Variants in TMEM131 observed in about 807,000 individuals in gnomAD.
The protein encoded by TMEM131 is 2610524E03Rik.
In TMEM131, 66 loss-of-function variants were observed where a neutral mutation model predicts 211.6. The ratio of observed to expected loss-of-function variants is 0.31; its 90% confidence interval spans 0.26 to 0.38. TMEM131 has a LOEUF of 0.38. TMEM131 is among the 10% of genes least tolerant of loss of function. The pLI is 1.00. For missense variants in TMEM131, 2,036 were observed against 2,299.3 expected, an observed-to-expected ratio of 0.89 and a Z score of 2.34; for synonymous variants, 844 against 841.3, an observed-to-expected ratio of 1.00 and a Z score of -0.06.
At chr2:97,831,176 G>GT (rs1177292357) in intron 11 of TMEM131, among the ~76,000 whole-genome samples, 1 of 152,188 alleles carries the variant, frequency 6.6e-6, no homozygotes, top group African/African-American at 2.4e-5. Context: ...TTCCATGTCT[G>GT]TAAGTTCACT....
intron 2 of TMEM131, among the ~76,000 whole-genome samples, chr2:97,925,809 T>C (rs1440902172): frequency 2.6e-5 from 4 of 152,094 alleles, no homozygotes. Flanking sequence ...TTTTGAGGAT[T>C]AAAAAAATTA....
chr2:97,835,848 T>C (rs1233006244), intron 8 of TMEM131, among the ~76,000 whole-genome samples: 1 of 152,168 alleles, frequency 6.6e-6, no homozygotes, highest in African/African-American at 2.4e-5. Flanking sequence ...AGTCTAGGTT[T>C]GTAGGAATAA....
chr2:97,943,100 A>C lies in TMEM131; in HGVS notation c.188-15613T>G, dbSNP rs193115737. On this transcript the variant is annotated intron_variant, in intron 1 of 40. Coordinates refer to ENST00000186436, the MANE Select transcript of TMEM131 (RefSeq NM_015348.2). Reference sequence around the variant, plus strand: ...AAGAAAGAAAGAAAGAAAGAAAGAAAGAGCTGGGTGTGGTGGTGCATGCCT... The same window carrying C: ...AAGAAAGAAAGAAAGAAAGAAAGAACGAGCTGGGTGTGGTGGTGCATGCCT... 9.3e-4 allele frequency among the ~76,000 whole-genome samples: 139 copies of C among 149,678 alleles called. 2 individuals carry two copies. In the East Asian group the frequency reaches 0.018, roughly 19 times the overall value.
intron 4 of TMEM131, among the ~76,000 whole-genome samples, chr2:97,875,931 CTG>C (rs1674675680): frequency 6.6e-6 from 1 of 152,112 alleles, no homozygotes; most frequent in African/African-American, 2.4e-5. Context: ...AATCCAGGAG[CTG>C]TGTTTTTGAA....
At chr2:97,765,628 G>C (rs993977844) in intron 35 of TMEM131, among the ~76,000 whole-genome samples, 2 of 152,198 alleles carry the variant, frequency 1.3e-5, no homozygotes, top group Admixed American at 6.5e-5. Context: ...GGAGAAACAA[G>C]GTCAAGGTAG....
intron 7 of TMEM131, among the ~76,000 whole-genome samples, chr2:97,840,206 G>GC (rs1316923218): frequency 6.6e-6 from 1 of 152,214 alleles, no homozygotes; most frequent in Non-Finnish European, 1.5e-5. Flanking sequence ...AAGACTAGAT[G>GC]AATTGAATTC....
chr2:97,920,143 G>A (rs1481054372), intron 2 of TMEM131, among the ~76,000 whole-genome samples: 13 of 152,200 alleles, frequency 8.5e-5, no homozygotes, highest in Admixed American at 6.5e-4. Context: ...TGGGTTGGCC[G>A]AGATTCTGCA....
intron 1 of TMEM131, among the ~76,000 whole-genome samples, chr2:97,988,047 A>G (rs1420517033): frequency 6.6e-6 from 1 of 152,216 alleles, no homozygotes; most frequent in African/African-American, 2.4e-5. Context: ...ACATTTCCTT[A>G]TTTCAAAACA....
chr2:97,898,486 G>T (rs954587590), intron 3 of TMEM131, among the ~76,000 whole-genome samples: 16 of 152,172 alleles, frequency 1.1e-4, no homozygotes, highest in Admixed American at 9.8e-4. Context: ...CTAATATAAT[G>T]GGATTAGTAT....
At chr2:97,952,674 C>G (rs985345420) in intron 1 of TMEM131, among the ~76,000 whole-genome samples, 3 of 152,066 alleles carry the variant, frequency 2.0e-5, no homozygotes, top group African/African-American at 7.2e-5. Context: ...CCCAGGAGCT[C>G]GAGACCAGCC....
chr2:97,775,294 T>A (rs1166509516), intron 32 of TMEM131, among the ~76,000 whole-genome samples: 1 of 152,116 alleles, frequency 6.6e-6, no homozygotes, highest in Non-Finnish European at 1.5e-5. Context: ...TGCTGATGTG[T>A]CCTGGGCTGG....
chr2:97,933,549 T>C (rs920578444), intron 1 of TMEM131, among the ~76,000 whole-genome samples: 1 of 152,148 alleles, frequency 6.6e-6, no homozygotes, highest in South Asian at 2.1e-4. Context: ...TTGTATAACA[T>C]TGTGATTAAT....
In TMEM131 at chr2:97,965,620, G is replaced by C. The variant is rs1468112569; in HGVS notation, c.187+29856C>G. On this transcript the variant is annotated intron_variant, in intron 1 of 40. Coordinates refer to ENST00000186436, the MANE Select transcript of TMEM131 (RefSeq NM_015348.2). ...GACACCAGGAATGATGAATCTGGAT[G>C]GCTGTGACAAGCCCCATGGCTGGGC... 9.9e-5 allele frequency among the ~76,000 whole-genome samples: 15 copies of C among 152,078 alleles called. No homozygotes were observed. In the East Asian group the frequency reaches 2.9e-3, roughly 29 times the overall value.
rs76093526 is a variant in TMEM131 at position 97,834,442 on chromosome 2, C to T, written c.1012+179G>A. Among the ~76,000 whole-genome samples, 144 of 152,164 alleles carry T rather than the reference C, an allele frequency of 9.5e-4. 2 individuals carry two copies. In the East Asian group the frequency reaches 0.019, roughly 20 times the overall value. On this transcript the variant is annotated intron_variant, in intron 10 of 40. Transcript: ENST00000186436. ...TTAAGCAATGCCACCCACCCCTCAG[C>T]GGAATGGGGTATAAACCTGTAAAGG...
Position 97,796,292 on chromosome 2 carries a change from T to C in TMEM131, c.3126A>G (p.Glu1042=), listed in dbSNP as rs760858456. The change falls in exon 28 of 41, where the codon GAA becomes GAG. Residue 1042 remains glutamate (E), a synonymous_variant. Transcript: ENST00000186436. ...AATTAACAACTTTAAAGCCATATCC[T>C]TCACATGAGTATCCACTGATTTCAA... The part of the protein sequence containing the change: ...ETIEISGYSC[E]GYGFKVVNCQ... 6.4e-7 allele frequency: 1 copy of C among 1,571,564 alleles called. No homozygotes were observed. The highest frequency in any genetic ancestry group is 1.2e-5 in the South Asian group (1 of 85,106).
intron 4 of TMEM131, among the ~76,000 whole-genome samples, chr2:97,885,290 C>T (rs1342254830): frequency 1.3e-5 from 2 of 149,980 alleles, no homozygotes; most frequent in Non-Finnish European, 3.0e-5. Flanking sequence ...CTCCGCTTCC[C>T]GGTCCATTCT....
In TMEM131 at chr2:97,762,154, G is replaced by A. The variant is rs1678888287; in HGVS notation, c.4770C>T (p.Asp1590=). The change falls in exon 36 of 41, where the codon GAC becomes GAT. Residue 1590 remains aspartate (D), a synonymous_variant. Transcript: ENST00000186436. ...AGGTCTGGCGTTGTTTTAAGAAAAT[G>A]TCTGCGTTGAGGGTTTGCAGAGAAA... ...YKLSLQTLNA[D]IFLKQRQTSP... 1 of 1,613,892 alleles carries A rather than the reference G, an allele frequency of 6.2e-7. No homozygotes were observed. Among genetic ancestry groups the A allele is most frequent in the Non-Finnish European group, 8.5e-7 (1 of 1,179,894 alleles).
intron 11 of TMEM131, among the ~76,000 whole-genome samples, chr2:97,829,764 C>A (rs966579363): frequency 3.3e-4 from 50 of 152,122 alleles, no homozygotes; most frequent in African/African-American, 9.2e-4. Flanking sequence ...GACCAAGAAC[C>A]CACCAGAAGG....
chr2:97,759,354 C>A (rs765388848), intron 39 of TMEM131: 4 of 529,976 alleles, frequency 7.5e-6, no homozygotes, highest in African/African-American at 1.9e-5. Context: ...GAAGAGGACC[C>A]CTGGCACACT....
Sources: allele counts gnomAD v4.1 joint callset (sites outside exome capture counted in the v4.1 genomes callset), GRCh38; gene constraint gnomAD v4.1.1; transcripts MANE v1.5; gene names NCBI Gene and HGNC (gene_info 2026-07-23, HGNC 2026-07-21).